The following CORIN variants were observed in gnomAD, a reference collection of about 807,000 sequenced individuals.
CORIN encodes atrial natriuretic peptide-converting enzyme.
A neutral mutation model predicts 125.3 loss-of-function variants in CORIN; 117 were observed. The ratio of observed to expected loss-of-function variants is 0.93; its 90% CI spans 0.80 to 1.09. CORIN has a LOEUF of 1.09. CORIN is among the 50% of genes least tolerant of loss of function. The probability of loss-of-function intolerance (pLI) is 0.00; values close to 1 mark genes in which losing one functional copy is unlikely to be tolerated. For missense variants in CORIN, 1,253 were observed against 1,306.7 expected (o/e 0.96, Z 0.63); for synonymous variants, 450 against 466.4 (o/e 0.96, Z 0.45).
chr4:47,814,126 A>T (rs1732167818), intron 1 of CORIN, among the ~76,000 whole-genome samples: 1 of 152,194 alleles, frequency 6.6e-6, no homozygotes. Context: ...AAGATGATAA[A>T]CTGCAAATAT....
At chr4:47,754,777 AC>A (rs1189274710) in intron 4 of CORIN, among the ~76,000 whole-genome samples, 2 of 151,988 alleles carry the variant, frequency 1.3e-5, no homozygotes, top group Non-Finnish European at 2.9e-5. Flanking sequence ...CAATTTGCAA[AC>A]TCAACTTAGT....
At chr4:47,627,587 AAT>A (rs1437014838) in intron 16 of CORIN, among the ~76,000 whole-genome samples, 2 of 152,320 alleles carry the variant, frequency 1.3e-5, no homozygotes, top group East Asian at 3.9e-4. Flanking sequence ...CTCTTACAAA[AAT>A]AAGAATTTTT....
intron 6 of CORIN, among the ~76,000 whole-genome samples, chr4:47,684,866 G>C (rs1725441895): frequency 2.0e-5 from 3 of 152,062 alleles, no homozygotes; most frequent in Non-Finnish European, 4.4e-5. Flanking sequence ...CACATGAAAA[G>C]GTGCTCAACG....
In CORIN at chr4:47,775,410, A is replaced by T. The variant is rs536986817; in HGVS notation, c.409+11315T>A. On this transcript the variant is annotated intron_variant, in intron 3 of 21. Coordinates refer to ENST00000273857, the MANE Select transcript of CORIN (RefSeq NM_006587.4). ...CGGGCCCCCGTGTGTGATGTTCCCC[A>T]TCCTGTGTCCAAGTGTTCTCATTGT... is the stretch of plus-strand genomic sequence containing the variant. Among the ~76,000 whole-genome samples the T allele has an allele frequency of 3.7e-3, 564 of 151,476 alleles. 4 individuals are homozygous for T. The highest frequency in any genetic ancestry group is 0.011 in the South Asian group (53 of 4,774).
intron 5 of CORIN, among the ~76,000 whole-genome samples, chr4:47,737,137 A>G (rs1008554978): frequency 6.6e-6 from 1 of 152,248 alleles, no homozygotes; most frequent in Non-Finnish European, 1.5e-5. Flanking sequence ...AGTTGAGACT[A>G]CTGGAGAACC....
intron 10 of CORIN, among the ~76,000 whole-genome samples, chr4:47,668,615 C>T (rs1239819121): frequency 4.6e-5 from 7 of 152,220 alleles, no homozygotes; most frequent in Non-Finnish European, 1.0e-4. Flanking sequence ...TTTCCTTGTG[C>T]ATACCCTCCG....
intron 12 of CORIN, among the ~76,000 whole-genome samples, chr4:47,657,032 A>G (rs995224270): frequency 6.6e-6 from 1 of 152,224 alleles, no homozygotes; most frequent in African/African-American, 2.4e-5. Context: ...CTCATTTACA[A>G]AAGCCACAAA....
chr4:47,665,296 A>G, intron 10 of CORIN, 33 bp from the exon 11 acceptor site: 1 of 1,476,214 alleles, frequency 6.8e-7, no homozygotes, highest in Non-Finnish European at 9.3e-7. Flanking sequence ...AATATTTTTA[A>G]ATTTCACATA....
chr4:47,828,239 C>T (rs1338331562), intron 1 of CORIN, among the ~76,000 whole-genome samples: 2 of 152,062 alleles, frequency 1.3e-5, no homozygotes, highest in Non-Finnish European at 2.9e-5. Flanking sequence ...GATAAGAGCA[C>T]CTTTTGTTCT....
intron 4 of CORIN, among the ~76,000 whole-genome samples, chr4:47,756,251 TAGAA>T (rs1273670626): frequency 6.6e-6 from 1 of 151,892 alleles, no homozygotes; most frequent in African/African-American, 2.4e-5. Context: ...TTTTGAGAGG[TAGAA>T]AGGAAGGTCA....
intron 5 of CORIN, among the ~76,000 whole-genome samples, chr4:47,736,463 A>T (rs1055077017): frequency 6.6e-6 from 1 of 152,194 alleles, no homozygotes; most frequent in Admixed American, 6.5e-5. Flanking sequence ...AGAGAAGATA[A>T]CTATAGAACA....
At chr4:47,764,547 G>C (rs2109872990) in intron 3 of CORIN, among the ~76,000 whole-genome samples, 1 of 152,238 alleles carries the variant, frequency 6.6e-6, no homozygotes, top group African/African-American at 2.4e-5. Context: ...AATCGCCTCA[G>C]TTTCAAGACC....
chr4:47,599,429 G>A (rs952986754), intron 21 of CORIN, among the ~76,000 whole-genome samples: 4 of 122,070 alleles, frequency 3.3e-5, no homozygotes, highest in African/African-American at 9.3e-5. Flanking sequence ...TTACTAAACT[G>A]TAGGGAGCAA....
At chr4:47,715,938 C>A (rs1727070266) in intron 5 of CORIN, among the ~76,000 whole-genome samples, 1 of 152,142 alleles carries the variant, frequency 6.6e-6, no homozygotes, top group South Asian at 2.1e-4. Context: ...TTGAGAGAGT[C>A]TAAACTTTGC....
At chr4:47,613,573 G>A (rs1201213276) in intron 19 of CORIN, among the ~76,000 whole-genome samples, 1 of 151,868 alleles carries the variant, frequency 6.6e-6, no homozygotes, top group Admixed American at 6.6e-5. Context: ...GTCCAACAAT[G>A]ATAGACTGGA....
chr4:47,696,388 T>C (rs190334797), intron 5 of CORIN, among the ~76,000 whole-genome samples: 103 of 152,302 alleles, frequency 6.8e-4, no homozygotes, highest in Non-Finnish European at 1.2e-3. Context: ...CGTTCATTCA[T>C]TGAATATATA....
At chr4:47,775,308 T>G (rs1328466177) in intron 3 of CORIN, among the ~76,000 whole-genome samples, 1 of 152,158 alleles carries the variant, frequency 6.6e-6, no homozygotes, top group East Asian at 1.9e-4. Context: ...CATGTTGGTG[T>G]GCTGCACCCA....
chr4:47,765,553 G>A (rs1241886245), intron 3 of CORIN, among the ~76,000 whole-genome samples: 4 of 152,236 alleles, frequency 2.6e-5, no homozygotes, highest in Admixed American at 1.3e-4. Flanking sequence ...CTGGGTAAAC[G>A]GATAAATGCT....
chr4:47,697,632 G>A (rs999141631), intron 5 of CORIN, among the ~76,000 whole-genome samples: 16 of 152,222 alleles, frequency 1.1e-4, no homozygotes, highest in Admixed American at 4.6e-4. Flanking sequence ...AGAATCAATC[G>A]CTTGAACCTG....
Sources: allele counts gnomAD v4.1 joint callset (sites outside exome capture counted in the v4.1 genomes callset), GRCh38; gene constraint gnomAD v4.1.1; transcripts MANE v1.5; gene names NCBI Gene and HGNC (gene_info 2026-07-23, HGNC 2026-07-21).